The following PKD1 variants were observed in gnomAD, a reference collection of about 807,000 sequenced individuals.
PKD1 encodes polycystin 1, transient receptor potential channel interacting.
A neutral mutation model predicts 361.7 loss-of-function variants in PKD1; 81 were observed. The ratio of observed to expected loss-of-function variants is 0.22; its 90% CI spans 0.19 to 0.27. The LOEUF (loss-of-function observed/expected upper bound fraction) is 0.27. Ranked by LOEUF, PKD1 falls within the 10% of genes least tolerant of loss-of-function variation. The pLI, the probability that PKD1 is intolerant of heterozygous loss-of-function variation, is 1.00. For missense variants in PKD1, 6,399 were observed against 6,118.3 expected (o/e 1.05, Z -1.53); for synonymous variants, 3,615 against 2,818.3 (o/e 1.28, Z -8.95).
At chr16:2,124,016 C>T (rs1362943910) in intron 1 of PKD1, among the ~76,000 whole-genome samples, 1 of 152,180 alleles carries the variant, frequency 6.6e-6, no homozygotes, top group Admixed American at 6.5e-5. Flanking sequence ...AGCGTGGGAC[C>T]CAGCGGGCTC....
chr16:2,115,786 C>T (rs1175895210), intron 9 of PKD1, among the ~76,000 whole-genome samples, 161 bp from the exon 10 acceptor site: 1 of 152,196 alleles, frequency 6.6e-6, no homozygotes, highest in Non-Finnish European at 1.5e-5. Context: ...GGCCAGCCGA[C>T]TGACCCAGGC....
rs1456226462 is a variant in PKD1, at chr16:2,113,153, C to A, written c.2985+8G>T. 4 of 803,328 alleles carry A rather than the reference C, an allele frequency of 5.0e-6. No homozygotes were observed. Among genetic ancestry groups the A allele is most frequent in the Non-Finnish European group, 8.6e-6 (4 of 463,880 alleles). The allele number at this position is 803,328 out of a possible 1,614,324, so 49.8% of individuals were successfully genotyped here. A position where few individuals can be genotyped will look rare whatever the true frequency, so the allele number is the denominator to read the frequency against. ...CATCCCCTCCCCTCCCCACCCCCGCCCACCTACTGAGAGCTTGAAGACCGC... is the reference window on the plus strand; with the variant it reads ...CATCCCCTCCCCTCCCCACCCCCGCACACCTACTGAGAGCTTGAAGACCGC... On this transcript the variant is annotated splice_region_variant and intron_variant, in intron 12 of 45. Coordinates refer to ENST00000262304, the MANE Select transcript of PKD1 (RefSeq NM_001009944.3).
At chr16:2,123,662 G>A (rs1376654603) in intron 1 of PKD1, 16 of 408,546 alleles carry the variant, frequency 3.9e-5, no homozygotes, top group Non-Finnish European at 6.9e-5. Flanking sequence ...AAGGATGGGG[G>A]ACACAGCAGG....
rs911571381 is a variant in PKD1, at chr16:2,091,149, T to G, written c.11738A>C (p.His3913Pro). The G allele has an allele frequency of 1.4e-6, 2 of 1,441,738 alleles. No homozygotes were observed. The highest frequency in any genetic ancestry group is 1.8e-6 in the Non-Finnish European group (2 of 1,102,468). The allele number at this position is 1,441,738 out of a possible 1,614,324, so 89.3% of individuals were successfully genotyped here. A position where few individuals can be genotyped will look rare whatever the true frequency, so the allele number is the denominator to read the frequency against. ...TSVCLLLFAV[H>P]FAVAEARTWH... ...AGTACGGGCCTCGGCCACGGCGAAGTGCACGGCGAACAGCAGCAGGCACAC... is the reference window on the plus strand; with the variant it reads ...AGTACGGGCCTCGGCCACGGCGAAGGGCACGGCGAACAGCAGCAGGCACAC... Residue 3913 changes from histidine (H) to proline (P), a missense_variant, in exon 43 of 46, where the codon CAC becomes CCC. Coordinates refer to ENST00000262304, the MANE Select transcript of PKD1 (RefSeq NM_001009944.3).
At chr16:2,119,073 T>A (rs1267857684) in intron 3 of PKD1, 41 bp downstream of exon 3, 4 of 1,073,126 alleles carry the variant, frequency 3.7e-6, no homozygotes, top group Non-Finnish European at 5.6e-6. Flanking sequence ...ATTGGGGGCC[T>A]GGGGTCCAGC....
rs774238210 is a variant in PKD1, at chr16:2,110,494, G to A, written c.4673C>T (p.Thr1558Met). The A allele has an allele frequency of 3.4e-5, 55 of 1,612,230 alleles. 1 individual carries two copies. Among genetic ancestry groups the A allele is most frequent in the African/African-American group, 1.6e-4 (12 of 74,928 alleles). ...CACGCTCCCATTCAGGGGCACCACCGTGCGGCTTGCATTGACGACGAGCCC... is the reference window on the plus strand; with the variant it reads ...CACGCTCCCATTCAGGGGCACCACCATGCGGCTTGCATTGACGACGAGCCC... ...VRGLVVNASR[T>M]VVPLNGSVSF... Residue 1558 changes from threonine (T) to methionine (M), a missense_variant, in exon 15 of 46, where the codon ACG becomes ATG. By Grantham distance (81) the Thr-to-Met change is moderately conservative. Transcript: ENST00000262304.
intron 1 of PKD1, among the ~76,000 whole-genome samples, chr16:2,125,287 C>T (rs1158966456): frequency 6.6e-6 from 1 of 152,164 alleles, no homozygotes; most frequent in Admixed American, 6.5e-5. Flanking sequence ...GCCAGGGAGG[C>T]CGGCCACAAC....
In PKD1 at chr16:2,097,428, G is replaced by A. The variant is rs1209470071; in HGVS notation, c.10296C>T (p.Ser3432=). Residue 3432 remains serine, a synonymous_variant, in exon 33 of 46, where the codon AGC becomes AGT. Coordinates refer to ENST00000262304, the MANE Select transcript of PKD1 (RefSeq NM_001009944.3). ...DLLSDPSIVG[S]NLRQLARGQA... is the part of the protein sequence containing the mutation. ...GGCCCCGTGCCAGCTGCCGCAGATT[G>A]CTACCCACAATGGACGGGTCACTGA... 1 of 1,608,270 alleles carries A rather than the reference G, an allele frequency of 6.2e-7. No homozygotes were observed. The highest frequency in any genetic ancestry group is 2.2e-5 in the East Asian group (1 of 44,878).
rs201289693 is a variant in PKD1, at chr16:2,103,593, C to T, written c.8464G>A (p.Val2822Met). ...TCCACCAGAAAGATGAGCTGCACCA[C>T]GTCACTGAGGTTGGCCAGGGCCCCG... is the stretch of plus-strand genomic sequence containing the variant. ...FSGALANLSD[V>M]VQLIFLVDSN... Residue 2822 changes from valine to methionine, a missense_variant, in exon 23 of 46, where the codon GTG becomes ATG. Transcript: ENST00000262304. The T allele has an allele frequency of 3.4e-4, 546 of 1,610,410 alleles. 1 individual carries two copies. The highest frequency in any genetic ancestry group is 9.2e-4 in the Admixed American group (55 of 60,022).
rs930784426 is a variant in PKD1 at position 2,118,358 on chromosome 16, C to T, written c.634G>A (p.Ala212Thr). The T allele has an allele frequency of 7.3e-5, 99 of 1,355,314 alleles. No individual in the cohort carries two copies. Among genetic ancestry groups the T allele is most frequent in the Non-Finnish European group, 9.1e-5 (90 of 983,934 alleles). The allele number at this position is 1,355,314 out of a possible 1,614,324, so 84.0% of individuals were successfully genotyped here. A position where few individuals can be genotyped will look rare whatever the true frequency, so the allele number is the denominator to read the frequency against. Residue 212 changes from alanine to threonine, a missense_variant, in exon 5 of 46, where the codon GCC (alanine) becomes ACC (threonine). By Grantham distance (58) the Ala-to-Thr change is moderately conservative. Coordinates refer to ENST00000262304, the MANE Select transcript of PKD1 (RefSeq NM_001009944.3). The surrounding 1 kb of genome is among the most constrained non-coding windows in gnomAD (Gnocchi z 6.0). ...CCCTGGCCGGTGGAGAAGCAGAAGG[C>T]GCTGCAGGCCTCTGGCTGAAGCAGG... ...EGLLQPEACS[A>T]FCFSTGQGLA...
intron 1 of PKD1, among the ~76,000 whole-genome samples, chr16:2,121,200 T>C (rs2092714880): frequency 6.6e-6 from 1 of 151,230 alleles, no homozygotes; most frequent in South Asian, 2.1e-4. Flanking sequence ...ACCCTGTCTC[T>C]ACCAAAACTA....
In PKD1 at chr16:2,111,424, C is replaced by G; in HGVS notation, c.3743G>C (p.Gly1248Ala). 6.2e-7 allele frequency: 1 copy of G among 1,611,888 alleles called. No individual in the cohort carries two copies. The highest frequency in any genetic ancestry group is 8.5e-7 in the Non-Finnish European group (1 of 1,179,558). The stretch of plus-strand genomic sequence containing the variant: ...CGGGCCCGACAGCACGGTGCCGTCC[C>G]CCATGTCGAAGGTCCACGTGATGTT... ...GDNITWTFDM[G>A]DGTVLSGPEA... The change falls in exon 15 of 46, where the codon GGG becomes GCG. Residue 1248 changes from glycine to alanine, a missense_variant. Physicochemically the swap from Gly to Ala is moderately conservative, Grantham distance 60 (BLOSUM62 0). Transcript: ENST00000262304.
chr16:2,093,689 G>T lies in PKD1; in HGVS notation c.10871C>A (p.Pro3624Gln). The change falls in exon 37 of 46, where the codon CCG becomes CAG. Residue 3624 changes from proline (P) to glutamine (Q), a missense_variant. Pro to Gln is a moderately conservative substitution (Grantham distance 76, BLOSUM62 -1). Coordinates refer to ENST00000262304, the MANE Select transcript of PKD1 (RefSeq NM_001009944.3). ...YFSLVAKRLH[P>Q]DEDDTLVESP... ...CTCTACCAGGGTGTCATCTTCATCCGGGTGCAGCCGCTTGGCCACCAGTGA... is the reference window on the plus strand; with the variant it reads ...CTCTACCAGGGTGTCATCTTCATCCTGGTGCAGCCGCTTGGCCACCAGTGA... 1.2e-6 allele frequency: 2 copies of T among 1,602,454 alleles called. No individual in the cohort carries two copies. The highest frequency in any genetic ancestry group is 2.2e-5 in the South Asian group (2 of 89,518).
At position 2,103,444 on chromosome 16, in the gene PKD1, G is replaced by A; in HGVS notation, c.8613C>T (p.Ala2871=). 1 of 1,599,242 alleles carries A rather than the reference G, an allele frequency of 6.3e-7. No individual in the cohort carries two copies. Among genetic ancestry groups the A allele is most frequent in the South Asian group, 1.1e-5 (1 of 90,990 alleles). Residue 2871 remains alanine, a synonymous_variant, in exon 23 of 46, where the codon GCC becomes GCT. Transcript: ENST00000262304. The part of the protein sequence containing the change: ...IPIERLASER[A]ITVKVPNNSD... ...AGTTGTTGGGCACCTTCACGGTGATGGCGCGCTCTGAGGCCAGCCGCTCGA... is the reference window on the plus strand; with the variant it reads ...AGTTGTTGGGCACCTTCACGGTGATAGCGCGCTCTGAGGCCAGCCGCTCGA...
chr16:2,090,950 C>A lies in PKD1; in HGVS notation c.11937G>T (p.Gln3979His). ...GRPRRFTSFD[Q>H]VAQLSSAARG... The stretch of plus-strand genomic sequence containing the variant: ...GGGCTGCGGAGCTCAGCTGCGCCAC[C>A]TGGTCGAAGCTAGTGAAGCGGCGCG... Residue 3979 changes from glutamine (Q) to histidine (H), a missense_variant, in exon 43 of 46, where the codon CAG becomes CAT. Transcript: ENST00000262304. 6.4e-7 allele frequency: 1 copy of A among 1,562,662 alleles called. No individual in the cohort carries two copies. Among genetic ancestry groups the A allele is most frequent in the East Asian group, 2.3e-5 (1 of 42,790 alleles).
Position 2,109,695 on chromosome 16 carries a change from G to A in PKD1, c.5472C>T (p.Pro1824=). The A allele has an allele frequency of 6.3e-7, 1 of 1,594,902 alleles. No homozygotes were observed. The highest frequency in any genetic ancestry group is 8.5e-7 in the Non-Finnish European group (1 of 1,172,194). The change falls in exon 15 of 46, where the codon CCC becomes CCT. Residue 1824 remains proline (P), a synonymous_variant. Transcript: ENST00000262304. ...TGCCCGTGGCCAGCTGCCCCCAAAA[G>A]GGCACAGAGGACCCGGCCGCCACGA... ...GSFVAAGSSV[P]FWGQLATGTN... is the part of the protein sequence containing the mutation.
rs1271709209 is a variant in PKD1, at chr16:2,089,432, G to A, written c.*295C>T. 2.0e-6 allele frequency: 1 copy of A among 489,184 alleles called. No homozygotes were observed. Among genetic ancestry groups the A allele is most frequent in the Non-Finnish European group, 3.7e-6 (1 of 270,078 alleles). 30.3% of individuals were successfully genotyped at this position (489,184 alleles called of 1,614,324 possible). On this transcript the variant is annotated 3_prime_UTR_variant, in exon 46 of 46. Transcript: ENST00000262304. ...GACATCTGCCCAGGGGGTGGGGCCGGGCACAGCCCGCTGTACCTGAGGACT... is the reference window on the plus strand; with the variant it reads ...GACATCTGCCCAGGGGGTGGGGCCGAGCACAGCCCGCTGTACCTGAGGACT...
rs1186058987 is a variant in PKD1, at chr16:2,135,459, T to A, written c.215+16A>T. The stretch of plus-strand genomic sequence containing the variant: ...TCCCGCGGCCTCTCCCGGGTGCCGC[T>A]GGGCCCGCTACTCACAGCGCTGTGG... On this transcript the variant is annotated intron_variant, in intron 1 of 45. Transcript: ENST00000262304. 1 of 1,165,278 alleles carries A rather than the reference T, an allele frequency of 8.6e-7. No individual in the cohort carries two copies. Among genetic ancestry groups the A allele is most frequent in the Non-Finnish European group, 1.1e-6 (1 of 942,934 alleles). 72.2% of individuals were successfully genotyped at this position (1,165,278 alleles called of 1,614,324 possible).
chr16:2,091,147 A>C lies in PKD1; in HGVS notation c.11740T>G (p.Phe3914Val), dbSNP rs1469458876. Residue 3914 changes from phenylalanine to valine, a missense_variant, in exon 43 of 46, where the codon TTC becomes GTC. Physicochemically the swap from Phe to Val is conservative, Grantham distance 50 (BLOSUM62 -1). Transcript: ENST00000262304. Reference sequence around the variant, plus strand: ...CAAGTACGGGCCTCGGCCACGGCGAAGTGCACGGCGAACAGCAGCAGGCAC... The same window carrying C: ...CAAGTACGGGCCTCGGCCACGGCGACGTGCACGGCGAACAGCAGCAGGCAC... ...SVCLLLFAVHFAVAEARTWHR... is the reference protein window; with the variant it reads ...SVCLLLFAVHVAVAEARTWHR... 6.9e-7 allele frequency: 1 copy of C among 1,445,990 alleles called. No homozygotes were observed. Among genetic ancestry groups the C allele is most frequent in the South Asian group, 1.3e-5 (1 of 78,140 alleles). 89.6% of individuals were successfully genotyped at this position (1,445,990 alleles called of 1,614,324 possible). A position where few individuals can be genotyped will look rare whatever the true frequency, so the allele number is the denominator to read the frequency against.
Sources: gnomAD v4.1 joint callset for allele counts (sites outside exome capture counted in the v4.1 genomes callset) on GRCh38, gnomAD v4.1.1 for gene constraint, Gnocchi (gnomAD v3.1) non-coding constraint, MANE v1.5 for transcripts, NCBI Gene and HGNC (gene_info 2026-07-23, HGNC 2026-07-21) for gene names.